Variants in CDH9 observed in about 807,000 individuals in gnomAD.
CDH9 encodes cadherin 9, also known as cadherin-9.
CDH9 carries 28 observed loss-of-function variants against 70.9 expected under a neutral mutation model. That is an observed-to-expected ratio of 0.40 (90% CI 0.29 to 0.54). CDH9 has a LOEUF of 0.54. CDH9 is among the 20% of genes least tolerant of loss of function. The pLI is 0.59. For synonymous variants in CDH9, 409 were observed against 343.1 expected (o/e 1.19, Z -2.12); for missense variants, 874 against 984.4 (o/e 0.89, Z 1.50).
Position 26,928,058 on chromosome 5 carries a change from A to G in CDH9, c.229-12134T>C, listed in dbSNP as rs1741376686. ...CTTTCTGTAACTTAAGTTAAATTAT[A>G]CATATTTTTAGATGATATAATCTTC... On this transcript the variant is annotated intron_variant, in intron 2 of 11. Transcript: ENST00000231021. 2.0e-5 allele frequency among the ~76,000 whole-genome samples: 3 copies of G among 151,926 alleles called. No homozygotes were observed. In the South Asian group the frequency reaches 6.2e-4, roughly 31 times the overall value.
At chr5:27,037,199 G>A (rs1489186746) in intron 1 of CDH9, among the ~76,000 whole-genome samples, 1 of 151,934 alleles carries the variant, frequency 6.6e-6, no homozygotes, top group Non-Finnish European at 1.5e-5. Flanking sequence ...AAAGGGAGTC[G>A]AAGGAAGATT....
At chr5:26,975,674 A>C (rs1056148464) in intron 2 of CDH9, among the ~76,000 whole-genome samples, 9 of 152,206 alleles carry the variant, frequency 5.9e-5, no homozygotes, top group Non-Finnish European at 1.2e-4. Context: ...ATTATTAAGA[A>C]AGTCTGACCC....
intron 2 of CDH9, among the ~76,000 whole-genome samples, chr5:26,984,756 T>G (rs1742461815): frequency 6.6e-6 from 1 of 152,140 alleles, no homozygotes; most frequent in Non-Finnish European, 1.5e-5. Context: ...TTATGACTTT[T>G]TTTCCTTCTT....
intron 8 of CDH9, among the ~76,000 whole-genome samples, chr5:26,890,189 T>G (rs971106164): frequency 6.6e-6 from 1 of 152,202 alleles, no homozygotes; most frequent in South Asian, 2.1e-4. Context: ...CTTAGATTAT[T>G]TTTATGAGGT....
Position 26,962,355 on chromosome 5 carries a change from G to T in CDH9, c.228+25751C>A, listed in dbSNP as rs1742051638. On this transcript the variant is annotated intron_variant, in intron 2 of 11. Coordinates refer to ENST00000231021, the MANE Select transcript of CDH9 (RefSeq NM_016279.4). ...TATATACCCAGTAATGGGATTGCTG[G>T]GTCAAATGATATTTCTAGTTCTAGA... Among the ~76,000 whole-genome samples, 3 of 152,062 alleles carry T rather than the reference G, an allele frequency of 2.0e-5. No individual in the cohort carries two copies. In the South Asian group the frequency reaches 6.2e-4, roughly 32 times the overall value.
intron 2 of CDH9, among the ~76,000 whole-genome samples, chr5:26,956,871 A>C (rs1741955462): frequency 6.6e-6 from 1 of 152,122 alleles, no homozygotes; most frequent in Non-Finnish European, 1.5e-5. Flanking sequence ...CATAATAGCA[A>C]TCACTATTAT....
chr5:26,943,393 A>T (rs1160966178), intron 2 of CDH9, among the ~76,000 whole-genome samples: 7 of 151,888 alleles, frequency 4.6e-5, no homozygotes, highest in African/African-American at 2.4e-5. Context: ...TGTGCCTGTA[A>T]TTCCAGCTAC....
At chr5:26,990,523 TG>T (rs1742563079) in intron 1 of CDH9, among the ~76,000 whole-genome samples, 1 of 152,216 alleles carries the variant, frequency 6.6e-6, no homozygotes, top group South Asian at 2.1e-4. Flanking sequence ...TCCTGTAAAC[TG>T]TGGAATAATT....
intron 1 of CDH9, among the ~76,000 whole-genome samples, chr5:27,036,703 G>A (rs895482975): frequency 2.6e-5 from 4 of 151,524 alleles, no homozygotes; most frequent in African/African-American, 9.7e-5. Context: ...AATTGGATTT[G>A]CTCATAATAT....
At chr5:26,928,032 A>G (rs1351934987) in intron 2 of CDH9, among the ~76,000 whole-genome samples, 2 of 152,046 alleles carry the variant, frequency 1.3e-5, no homozygotes, top group African/African-American at 2.4e-5. Flanking sequence ...CTCCTTTTTC[A>G]CTTTCTGTAA....
chr5:26,912,521 G>C (rs1028778686), intron 3 of CDH9, among the ~76,000 whole-genome samples: 2 of 149,532 alleles, frequency 1.3e-5, no homozygotes, highest in African/African-American at 2.4e-5. Context: ...TATATATACA[G>C]ATATATATAG....
At chr5:27,017,381 A>C (rs1197030722) in intron 1 of CDH9, among the ~76,000 whole-genome samples, 1 of 151,952 alleles carries the variant, frequency 6.6e-6, no homozygotes, top group East Asian at 1.9e-4. Flanking sequence ...ATTTTTAAAA[A>C]AATGTTCAAA....
At chr5:26,952,469 A>AC (rs1165292664) in intron 2 of CDH9, among the ~76,000 whole-genome samples, 5 of 129,626 alleles carry the variant, frequency 3.9e-5, no homozygotes, top group Non-Finnish European at 6.7e-5. Context: ...AAAAAAAAAA[A>AC]AAAAAAAAAA....
intron 2 of CDH9, among the ~76,000 whole-genome samples, chr5:26,924,576 T>C (rs1245521804): frequency 6.7e-6 from 1 of 149,908 alleles, no homozygotes; most frequent in Non-Finnish European, 1.5e-5. Flanking sequence ...TACTTTCAGT[T>C]CTAGAGTACA....
At chr5:26,940,611 C>T (rs1396799345) in intron 2 of CDH9, among the ~76,000 whole-genome samples, 2 of 152,080 alleles carry the variant, frequency 1.3e-5, no homozygotes, top group Non-Finnish European at 2.9e-5. Context: ...CCAATAACAC[C>T]CTAGTAGATA....
At chr5:26,920,171 G>A (rs946641393) in intron 2 of CDH9, among the ~76,000 whole-genome samples, 3 of 151,942 alleles carry the variant, frequency 2.0e-5, no homozygotes, top group Admixed American at 6.6e-5. Flanking sequence ...AGAGACCCAG[G>A]CCTGGCAGCT....
intron 2 of CDH9, among the ~76,000 whole-genome samples, chr5:26,967,634 G>A (rs920341746): frequency 4.6e-5 from 7 of 151,986 alleles, no homozygotes; most frequent in Admixed American, 2.6e-4. Context: ...GATGAATAGA[G>A]CTTACATTCT....
intron 7 of CDH9, among the ~76,000 whole-genome samples, chr5:26,900,554 G>C (rs2111985307): frequency 6.6e-6 from 1 of 152,106 alleles, no homozygotes; most frequent in South Asian, 2.1e-4. Flanking sequence ...GATGAATGAA[G>C]AAAAGATAAC....
At chr5:27,004,875 A>G (rs1007355178) in intron 1 of CDH9, among the ~76,000 whole-genome samples, 1 of 152,152 alleles carries the variant, frequency 6.6e-6, no homozygotes, top group Non-Finnish European at 1.5e-5. Context: ...TAATACTGAG[A>G]TTTATCAGTA....
Sources: gnomAD v4.1 joint callset for allele counts (sites outside exome capture counted in the v4.1 genomes callset) on GRCh38, gnomAD v4.1.1 for gene constraint, MANE v1.5 for transcripts, NCBI Gene and HGNC (gene_info 2026-07-23, HGNC 2026-07-21) for gene names.